MYCT1: variants seen among roughly 807,000 people sequenced by gnomAD.
MYCT1 encodes the protein myc target protein 1.
Under a neutral mutation model 15.0 loss-of-function variants are expected in MYCT1, and 12 were observed. That is an observed-to-expected ratio of 0.80 (90% CI 0.51 to 1.29). MYCT1 has a LOEUF of 1.29. Ranked by LOEUF, MYCT1 falls within the 50% of genes most tolerant of loss-of-function variation. The pLI is 0.00. For synonymous variants in MYCT1, 104 were observed against 102.7 expected, an observed-to-expected ratio of 1.01 and a Z score of -0.07; for missense variants, 287 against 279.1, an observed-to-expected ratio of 1.03 and a Z score of -0.20.
Position 152,722,232 on chromosome 6 carries a change from C to T in MYCT1, c.687C>T (p.Ile229=), listed in dbSNP as rs762653968. 9 of 1,612,402 alleles carry T rather than the reference C, an allele frequency of 5.6e-6. No homozygotes were observed. In the African/African-American group the frequency reaches 1.2e-4, roughly 22 times the overall value. The change falls in exon 2 of 2, where the codon ATC becomes ATT. Residue 229 remains isoleucine (I), a synonymous_variant. Transcript: ENST00000367245. Reference sequence around the variant, plus strand: ...CCCCACCTGCCTATGAGTCCATCATCAAGGCATTCCCAGATTCCTGAGTAG... The same window carrying T: ...CCCCACCTGCCTATGAGTCCATCATTAAGGCATTCCCAGATTCCTGAGTAG... ...TPPPPAYESI[I]KAFPDS
chr6:152,734,541 C>A, the MYCT1 span, among the ~76,000 whole-genome samples: 1 of 152,184 alleles, frequency 6.6e-6, no homozygotes, highest in Non-Finnish European at 1.5e-5. Flanking sequence ...GAGGTGGGAG[C>A]TGCGTGCAGT....
chr6:152,722,610 C>A lies in MYCT1; in HGVS notation c.*357C>A. The A allele has an allele frequency of 4.1e-6, 1 of 242,304 alleles. No homozygotes were observed. The highest frequency in any genetic ancestry group is 8.4e-6 in the Non-Finnish European group (1 of 119,296). The allele number at this position is 242,304 out of a possible 1,614,324, so 15.0% of individuals were successfully genotyped here. ...ATTTGTGGATTACAATCCTCATTTA[C>A]TTCCAATGTGACTAAAAAGAGAAAA... On this transcript the variant is annotated 3_prime_UTR_variant, in exon 2 of 2. Coordinates refer to ENST00000367245, the MANE Select transcript of MYCT1 (RefSeq NM_025107.3).
the MYCT1 span, among the ~76,000 whole-genome samples, chr6:152,731,548 G>A: frequency 6.6e-6 from 1 of 152,072 alleles, no homozygotes; most frequent in South Asian, 2.1e-4. Flanking sequence ...AGGCCCTGGT[G>A]TGTGGTGTTC....
At chr6:152,699,239 A>G (rs2099720929) in intron 1 of MYCT1, among the ~76,000 whole-genome samples, 1 of 152,116 alleles carries the variant, frequency 6.6e-6, no homozygotes, top group Non-Finnish European at 1.5e-5. Context: ...CCTTTAACCT[A>G]TGTACTTTCT....
At chr6:152,699,664 G>A (rs1184397076) in intron 1 of MYCT1, among the ~76,000 whole-genome samples, 3 of 152,000 alleles carry the variant, frequency 2.0e-5, no homozygotes, top group East Asian at 1.9e-4. Context: ...TTATTCAAAA[G>A]TAAAGTAGTT....
At chr6:152,705,869 TTTGA>T in intron 1 of MYCT1, 1 of 732,512 alleles carries the variant, frequency 1.4e-6, no homozygotes, top group Admixed American at 2.0e-5. Context: ...TTGAAAGATC[TTTGA>T]TTGTTGAGAA....
the MYCT1 span, among the ~76,000 whole-genome samples, chr6:152,731,774 G>T: frequency 1.3e-5 from 2 of 148,746 alleles, no homozygotes; most frequent in Non-Finnish European, 3.0e-5. Flanking sequence ...TTGAGACCGG[G>T]TATCTCCATG....
At chr6:152,731,208 G>A in the MYCT1 span, among the ~76,000 whole-genome samples, 1 of 127,900 alleles carries the variant, frequency 7.8e-6, no homozygotes, top group African/African-American at 2.6e-5. Flanking sequence ...GTATGTTAGT[G>A]TGTACCTAGC....
the MYCT1 span, among the ~76,000 whole-genome samples, chr6:152,729,679 T>C: frequency 1.3e-5 from 2 of 152,162 alleles, no homozygotes; most frequent in African/African-American, 4.8e-5. Context: ...GAGTCAAAAC[T>C]CAGACTGCAG....
At chr6:152,715,955 G>T (rs2099723583) in intron 1 of MYCT1, among the ~76,000 whole-genome samples, 2 of 152,118 alleles carry the variant, frequency 1.3e-5, no homozygotes, top group African/African-American at 2.4e-5. Flanking sequence ...TTTTTACTCT[G>T]GGAGAAGTGG....
At chr6:152,739,489 A>G in the MYCT1 span, among the ~76,000 whole-genome samples, 1 of 151,930 alleles carries the variant, frequency 6.6e-6, no homozygotes, top group Non-Finnish European at 1.5e-5. Context: ...AGAGAATTTA[A>G]AAATTTTGCA....
chr6:152,701,752 A>T (rs138951938), intron 1 of MYCT1, among the ~76,000 whole-genome samples: 1 of 152,282 alleles, frequency 6.6e-6, no homozygotes, highest in Non-Finnish European at 1.5e-5. Flanking sequence ...TCTGGCTCAC[A>T]TGATCTGTGT....
At chr6:152,744,716 T>C in the MYCT1 span, among the ~76,000 whole-genome samples, 1 of 152,156 alleles carries the variant, frequency 6.6e-6, no homozygotes, top group Non-Finnish European at 1.5e-5. Flanking sequence ...CCAGCACGTC[T>C]CTTTTGCTGA....
At chr6:152,701,062 C>A (rs2099721227) in intron 1 of MYCT1, among the ~76,000 whole-genome samples, 1 of 152,002 alleles carries the variant, frequency 6.6e-6, no homozygotes, top group Non-Finnish European at 1.5e-5. Context: ...TGAGTTAAAA[C>A]AATATATGGC....
chr6:152,706,386 A>G (rs1282455), intron 1 of MYCT1, among the ~76,000 whole-genome samples: 108,952 of 152,016 alleles, frequency 0.72, 39,559 homozygotes, highest in East Asian at 0.98. Context: ...CCTGATACTG[A>G]GTACAAGAGC....
At chr6:152,736,442 C>T in the MYCT1 span, among the ~76,000 whole-genome samples, 4 of 152,064 alleles carry the variant, frequency 2.6e-5, no homozygotes, top group Non-Finnish European at 5.9e-5. Flanking sequence ...GGATTCACTT[C>T]CGTGGTCCTG....
At position 152,722,740 on chromosome 6, in the gene MYCT1, T is replaced by A. The variant is rs1413401545; in HGVS notation, c.*487T>A. 2.4e-6 allele frequency: 1 copy of A among 409,992 alleles called. No homozygotes were observed. The highest frequency in any genetic ancestry group is 2.1e-5 in the African/African-American group (1 of 48,012). The allele number at this position is 409,992 out of a possible 1,614,324, so 25.4% of individuals were successfully genotyped here. A position where few individuals can be genotyped will look rare whatever the true frequency, so the allele number is the denominator to read the frequency against. ...TTGACATTTTACAATCTTAGATTTT[T>A]CTTTTTTTTTCTTTTGAGACAGGGT... On this transcript the variant is annotated 3_prime_UTR_variant, in exon 2 of 2. Transcript: ENST00000367245.
chr6:152,741,126 C>T, the MYCT1 span, among the ~76,000 whole-genome samples: 1,733 of 152,192 alleles, frequency 0.011, 44 homozygotes, highest in African/African-American at 0.04. Context: ...CCAACTTTGT[C>T]AATGTTTCCA....
At chr6:152,703,709 A>C (rs887191306) in intron 1 of MYCT1, among the ~76,000 whole-genome samples, 1 of 152,116 alleles carries the variant, frequency 6.6e-6, no homozygotes, top group Non-Finnish European at 1.5e-5. Flanking sequence ...TGACACACAC[A>C]CTTGAGTAAC....
Sources: allele counts gnomAD v4.1 joint callset (sites outside exome capture counted in the v4.1 genomes callset), GRCh38; gene constraint gnomAD v4.1.1; transcripts MANE v1.5; gene names NCBI Gene and HGNC (gene_info 2026-07-23, HGNC 2026-07-21).